The following ZFHX3 variants were observed in gnomAD, a reference collection of about 807,000 sequenced individuals.
The protein encoded by ZFHX3 is zinc finger homeobox 3, also known as zinc finger homeobox protein 3.
Under a neutral mutation model 279.1 loss-of-function variants are expected in ZFHX3, and 42 were observed. The observed-to-expected ratio is 0.15, with a 90% CI of 0.12 to 0.19. ZFHX3 has a LOEUF of 0.19. Ranked by LOEUF, ZFHX3 falls within the 10% of genes least tolerant of loss-of-function variation. ZFHX3 has a pLI of 1.00. For missense variants in ZFHX3, 4,981 were observed against 4,754.0 expected, an observed-to-expected ratio of 1.05 and a Z score of -1.40; for synonymous variants, 2,293 against 1,957.8, an observed-to-expected ratio of 1.17 and a Z score of -4.52.
intron 8 of ZFHX3, among the ~76,000 whole-genome samples, chr16:73,078,085 G>A (rs1019653583): frequency 3.9e-5 from 6 of 152,186 alleles, no homozygotes; most frequent in South Asian, 2.1e-4. Context: ...GACTACAGGC[G>A]TGAGCCACTG....
At chr16:73,400,408 T>A (rs965055444) in intron 3 of ZFHX3, 2 of 152,104 alleles carry the variant, frequency 1.3e-5, no homozygotes. Flanking sequence ...AAGACGGGAA[T>A]GAAAAGGAAG....
At chr16:73,481,648 TTTTG>T (rs150415013) in intron 2 of ZFHX3, among the ~76,000 whole-genome samples, 31,704 of 145,818 alleles carry the variant, frequency 0.22, 3,534 homozygotes, top group African/African-American at 0.32. Context: ...GTTTGTTTGT[TTTTG>T]TTTGTTTGTT....
intron 2 of ZFHX3, among the ~76,000 whole-genome samples, chr16:73,584,146 G>GA (rs1429742709): frequency 1.3e-5 from 2 of 152,074 alleles, no homozygotes; most frequent in Admixed American, 6.5e-5. Context: ...CAGAAAATGT[G>GA]AAAAAGTGGT....
chr16:73,268,348 A>G (rs1431286937), intron 4 of ZFHX3, among the ~76,000 whole-genome samples: 3 of 152,224 alleles, frequency 2.0e-5, no homozygotes, highest in Non-Finnish European at 4.4e-5. Context: ...AATCTGAAGA[A>G]CAGAACAGAA....
intron 1 of ZFHX3, among the ~76,000 whole-genome samples, chr16:73,870,132 T>C (rs544177646): frequency 6.6e-6 from 1 of 152,306 alleles, no homozygotes; most frequent in East Asian, 1.9e-4. Context: ...ACTAGAAACC[T>C]AGTTATATGT....
At chr16:73,657,297 A>C (rs1423070628) in intron 2 of ZFHX3, among the ~76,000 whole-genome samples, 1 of 152,210 alleles carries the variant, frequency 6.6e-6, no homozygotes, top group Non-Finnish European at 1.5e-5. Flanking sequence ...TCTCTACTAA[A>C]AATACAAAAA....
chr16:72,950,084 A>G (rs1474666338), intron 3 of ZFHX3, among the ~76,000 whole-genome samples: 2 of 16,466 alleles, frequency 1.2e-4, no homozygotes, highest in African/African-American at 3.7e-4. Flanking sequence ...GAGAAATAGA[A>G]AAAAAAAAAA....
chr16:73,042,092 T>C (rs533343081), intron 1 of ZFHX3, among the ~76,000 whole-genome samples: 1 of 152,230 alleles, frequency 6.6e-6, no homozygotes, highest in Non-Finnish European at 1.5e-5. Flanking sequence ...ACATATGTGG[T>C]TTTTATAGAC....
intron 1 of ZFHX3, among the ~76,000 whole-genome samples, chr16:73,849,808 C>G (rs778684505): frequency 6.6e-6 from 1 of 152,252 alleles, no homozygotes; most frequent in Non-Finnish European, 1.5e-5. Flanking sequence ...TCTCAGCTCA[C>G]TGCAACCTCC....
chr16:72,801,414 T>C (rs1026949333), intron 7 of ZFHX3, among the ~76,000 whole-genome samples: 3 of 152,240 alleles, frequency 2.0e-5, no homozygotes, highest in Non-Finnish European at 4.4e-5. Flanking sequence ...ATCCCAGCCT[T>C]GCTCAAAATA....
chr16:73,504,294 G>A (rs974454472), intron 2 of ZFHX3: 37 of 152,244 alleles, frequency 2.4e-4, no homozygotes, highest in African/African-American at 8.9e-4. Context: ...AAAGAAACAA[G>A]TGAACTCAAA....
chr16:72,961,013 T>C (rs1961550595), intron 1 of ZFHX3, among the ~76,000 whole-genome samples: 1 of 151,938 alleles, frequency 6.6e-6, no homozygotes, highest in Admixed American at 6.6e-5. Flanking sequence ...CTCCCTGGCC[T>C]GTGACTCTAG....
intron 2 of ZFHX3, among the ~76,000 whole-genome samples, chr16:73,617,642 C>T (rs956355278): frequency 6.6e-6 from 1 of 152,010 alleles, no homozygotes. Flanking sequence ...GTCATTTGAG[C>T]CATTATTAGC....
chr16:73,009,137 T>C (rs1195148996), intron 1 of ZFHX3, among the ~76,000 whole-genome samples: 1 of 152,102 alleles, frequency 6.6e-6, no homozygotes, highest in Non-Finnish European at 1.5e-5. Context: ...CAATCCCAAA[T>C]TAATTGAATT....
intron 3 of ZFHX3, among the ~76,000 whole-genome samples, chr16:72,902,734 C>T (rs1368127869): frequency 6.6e-6 from 1 of 152,076 alleles, no homozygotes; most frequent in Non-Finnish European, 1.5e-5. Context: ...TGAATATGAG[C>T]ACCCTCATTT....
intron 3 of ZFHX3, chr16:73,421,316 A>G (rs988952043): frequency 6.6e-6 from 1 of 152,212 alleles, no homozygotes; most frequent in Non-Finnish European, 1.5e-5. Context: ...AGTGATCACA[A>G]TCTATTGTAC....
At chr16:73,136,090 T>C (rs139667643) in intron 6 of ZFHX3, among the ~76,000 whole-genome samples, 5 of 152,290 alleles carry the variant, frequency 3.3e-5, no homozygotes, top group African/African-American at 1.2e-4. Context: ...AATCCTGAAC[T>C]TGTGATCCGC....
chr16:73,444,582 G>T (rs4888304), intron 3 of ZFHX3, among the ~76,000 whole-genome samples: 5 of 152,100 alleles, frequency 3.3e-5, no homozygotes, highest in Admixed American at 6.5e-5. Context: ...TCCTTCTAAT[G>T]TTAAAATCAG....
At chr16:73,846,226 G>C (rs1961445322) in intron 1 of ZFHX3, among the ~76,000 whole-genome samples, 1 of 152,172 alleles carries the variant, frequency 6.6e-6, no homozygotes, top group Non-Finnish European at 1.5e-5. Context: ...CTGTATGCAA[G>C]TGATGTTTCC....
Sources: allele counts gnomAD v4.1 joint callset (sites outside exome capture counted in the v4.1 genomes callset), GRCh38; gene constraint gnomAD v4.1.1; transcripts MANE v1.5; gene names NCBI Gene and HGNC (gene_info 2026-07-23, HGNC 2026-07-21).